Variants in EHBP1 observed in about 807,000 individuals in gnomAD.
EHBP1 encodes EH domain binding protein 1.
Under a neutral mutation model 144.0 loss-of-function variants are expected in EHBP1, and 55 were observed. The ratio of observed to expected loss-of-function variants is 0.38; its 90% CI spans 0.31 to 0.48. The LOEUF (loss-of-function observed/expected upper bound fraction) is 0.48. EHBP1 is among the 20% of genes least tolerant of loss of function. The pLI is 0.98. For synonymous variants in EHBP1, 469 were observed against 472.7 expected, an observed-to-expected ratio of 0.99 and a Z score of 0.10; for missense variants, 1,200 against 1,364.2, an observed-to-expected ratio of 0.88 and a Z score of 1.90.
intron 14 of EHBP1, among the ~76,000 whole-genome samples, chr2:62,975,047 C>T (rs1056464043): frequency 1.7e-4 from 26 of 152,140 alleles, no homozygotes; most frequent in African/African-American, 6.3e-4. Context: ...AGACTTTTAA[C>T]AGTTGGGGGT....
At chr2:63,027,378 C>A (rs966129689) in intron 19 of EHBP1, among the ~76,000 whole-genome samples, 1 of 152,168 alleles carries the variant, frequency 6.6e-6, no homozygotes, top group African/African-American at 2.4e-5. Flanking sequence ...AATGTGTACT[C>A]AAGTGAAGAG....
chr2:62,953,081 G>GTAATCCC (rs2057474081), intron 13 of EHBP1, among the ~76,000 whole-genome samples: 4 of 151,986 alleles, frequency 2.6e-5, no homozygotes, highest in Admixed American at 2.0e-4. Flanking sequence ...AGCCAGGGTG[G>GTAATCCC]TGGCACATGC....
chr2:62,814,329 CAAG>C (rs1259837002), intron 5 of EHBP1, among the ~76,000 whole-genome samples: 1 of 152,244 alleles, frequency 6.6e-6, no homozygotes, highest in Non-Finnish European at 1.5e-5. Context: ...GATGACACAG[CAAG>C]AAGATTCTCA....
chr2:62,766,413 T>A (rs1325392705), intron 4 of EHBP1, among the ~76,000 whole-genome samples: 2 of 152,124 alleles, frequency 1.3e-5, no homozygotes, highest in East Asian at 3.9e-4. Context: ...AATAAGATGT[T>A]TCTCTTTGAG....
intron 10 of EHBP1, among the ~76,000 whole-genome samples, chr2:62,941,329 A>G (rs1300671293): frequency 6.6e-6 from 1 of 152,120 alleles, no homozygotes; most frequent in Admixed American, 6.5e-5. Flanking sequence ...TAAATGTAGT[A>G]TATTGGGATT....
intron 14 of EHBP1, among the ~76,000 whole-genome samples, chr2:62,957,165 A>G (rs1300717192): frequency 6.6e-6 from 1 of 152,226 alleles, no homozygotes; most frequent in African/African-American, 2.4e-5. Flanking sequence ...ATTTGGATTT[A>G]TTCTAGGAAT....
intron 3 of EHBP1, among the ~76,000 whole-genome samples, chr2:62,760,662 C>T (rs2040696488): frequency 6.6e-6 from 1 of 152,168 alleles, no homozygotes; most frequent in Non-Finnish European, 1.5e-5. Context: ...CTTTTGATCA[C>T]TGTGTCATAC....
At chr2:62,910,112 G>A (rs1465098192) in intron 10 of EHBP1, among the ~76,000 whole-genome samples, 2 of 152,078 alleles carry the variant, frequency 1.3e-5, no homozygotes, top group African/African-American at 2.4e-5. Flanking sequence ...GTGATTTGAT[G>A]GCCAGCATAT....
intron 10 of EHBP1, among the ~76,000 whole-genome samples, chr2:62,877,481 G>T (rs1232153812): frequency 6.6e-6 from 1 of 152,104 alleles, no homozygotes; most frequent in African/African-American, 2.4e-5. Context: ...ACCTAAACTT[G>T]TCACTTGACT....
At chr2:62,916,822 A>G (rs1163878204) in intron 10 of EHBP1, among the ~76,000 whole-genome samples, 2 of 149,856 alleles carry the variant, frequency 1.3e-5, no homozygotes, top group African/African-American at 2.4e-5. Flanking sequence ...ACATACACAA[A>G]TTTTATTAAA....
Position 62,771,332 on chromosome 2 carries a change from G to A in EHBP1, c.259-7G>A, listed in dbSNP as rs958515710. 2 of 1,590,676 alleles carry A rather than the reference G, an allele frequency of 1.3e-6. No homozygotes were observed. Among genetic ancestry groups the A allele is most frequent in the Non-Finnish European group, 1.7e-6 (2 of 1,168,254 alleles). ...CAATTCCATTTCATATTTTGCTTTTGTTACAGGATCCTCATGCGGAAGAAT... is the reference window on the plus strand; with the variant it reads ...CAATTCCATTTCATATTTTGCTTTTATTACAGGATCCTCATGCGGAAGAAT... On this transcript the variant is annotated splice_region_variant and splice_polypyrimidine_tract_variant and intron_variant, in intron 4 of 22. Coordinates refer to ENST00000431489, the MANE Select transcript of EHBP1 (RefSeq NM_001142616.3).
chr2:62,681,220 C>T (rs544279561), intron 1 of EHBP1, among the ~76,000 whole-genome samples: 81 of 150,222 alleles, frequency 5.4e-4, no homozygotes, highest in African/African-American at 1.5e-3. Flanking sequence ...GCAGGAGAAT[C>T]GCTTGAACCT....
chr2:62,926,649 A>T (rs766589393), intron 10 of EHBP1, among the ~76,000 whole-genome samples: 1 of 152,142 alleles, frequency 6.6e-6, no homozygotes, highest in Non-Finnish European at 1.5e-5. Context: ...TCCAGTTAAG[A>T]TGGCTATTAT....
At chr2:62,808,675 TG>T (rs934669577) in intron 5 of EHBP1, among the ~76,000 whole-genome samples, 2 of 152,158 alleles carry the variant, frequency 1.3e-5, no homozygotes, top group African/African-American at 4.8e-5. Flanking sequence ...TTAGTATGCC[TG>T]GTGATTTTTT....
chr2:62,840,127 G>A (rs1263750723), intron 7 of EHBP1, among the ~76,000 whole-genome samples: 1 of 150,270 alleles, frequency 6.7e-6, no homozygotes, highest in Admixed American at 6.6e-5. Context: ...CATGGTACTG[G>A]TACCAAAACA....
intron 15 of EHBP1, among the ~76,000 whole-genome samples, chr2:62,981,118 C>T (rs1343517427): frequency 6.6e-6 from 1 of 151,290 alleles, no homozygotes; most frequent in Non-Finnish European, 1.5e-5. Flanking sequence ...TTTTCGACTC[C>T]TATCATGCAG....
intron 10 of EHBP1, among the ~76,000 whole-genome samples, chr2:62,921,526 G>A (rs2055082474): frequency 6.7e-6 from 1 of 148,376 alleles, no homozygotes; most frequent in Non-Finnish European, 1.5e-5. Flanking sequence ...AAATGAGAAA[G>A]AAATTTTAAA....
At chr2:62,943,035 T>C (rs1295545041) in intron 11 of EHBP1, 139 bp downstream of exon 11, 10 of 657,978 alleles carry the variant, frequency 1.5e-5, no homozygotes, top group Non-Finnish European at 2.2e-5. Flanking sequence ...GAGAGATATA[T>C]GTCAGAAAGC....
At chr2:62,924,548 C>G (rs2055342312) in intron 10 of EHBP1, among the ~76,000 whole-genome samples, 1 of 152,154 alleles carries the variant, frequency 6.6e-6, no homozygotes, top group South Asian at 2.1e-4. Flanking sequence ...CACAGAAATA[C>G]AGAAGATTAT....
Sources: gnomAD v4.1 joint callset for allele counts (sites outside exome capture counted in the v4.1 genomes callset) on GRCh38, gnomAD v4.1.1 for gene constraint, MANE v1.5 for transcripts, NCBI Gene and HGNC (gene_info 2026-07-23, HGNC 2026-07-21) for gene names.